KY: variants seen among roughly 807,000 people sequenced by gnomAD.
KY encodes the protein kyphoscoliosis peptidase.
In KY, 43 loss-of-function variants were observed where a neutral mutation model predicts 76.1. That is an observed-to-expected ratio of 0.57 (90% CI 0.44 to 0.73). The LOEUF (loss-of-function observed/expected upper bound fraction) is 0.73. KY is among the 30% of genes least tolerant of loss of function. The pLI, the probability that KY is intolerant of heterozygous loss-of-function variation, is 0.00. For missense variants in KY, 722 were observed against 828.9 expected, an observed-to-expected ratio of 0.87 and a Z score of 1.58; for synonymous variants, 277 against 326.2, an observed-to-expected ratio of 0.85 and a Z score of 1.63.
chr3:134,629,682 A>C lies in KY; in HGVS notation c.276T>G (p.Thr92=). Reference sequence around the variant, plus strand: ...TGGCATCTCGAGGGTGGACTTCCACAGTCAGTTGTGTCCCTACAAAGGAAA... The same window carrying C: ...TGGCATCTCGAGGGTGGACTTCCACCGTCAGTTGTGTCCCTACAAAGGAAA... ...TSYNSQGTQL[T]VEVHPRDAMP... Residue 92 remains threonine, a synonymous_variant, in exon 4 of 11, where the codon ACT becomes ACG. Transcript: ENST00000423778. The C allele has an allele frequency of 6.3e-7, 1 of 1,592,704 alleles. No individual in the cohort carries two copies. Among genetic ancestry groups the C allele is most frequent in the Non-Finnish European group, 8.6e-7 (1 of 1,169,108 alleles).
intron 4 of KY, among the ~76,000 whole-genome samples, chr3:134,628,619 C>A (rs4419421): frequency 0.97 from 148,462 of 152,314 alleles, 72,469 homozygotes; most frequent in East Asian, 1. Flanking sequence ...TCCCACCTAC[C>A]TTTTTGATAG....
At chr3:134,607,566 A>C (rs1959422469) in intron 10 of KY, 8 of 985,604 alleles carry the variant, frequency 8.1e-6, no homozygotes, top group Non-Finnish European at 9.6e-6. Context: ...AGGGCTGTGC[A>C]GCGTGCCCAG....
intron 3 of KY, 83 bp downstream of exon 3, chr3:134,643,233 A>G: frequency 1.5e-6 from 2 of 1,365,296 alleles, no homozygotes; most frequent in Non-Finnish European, 2.1e-6. Flanking sequence ...TCTGAGCTCC[A>G]CATCCTGGGC....
Position 134,600,382 on chromosome 3 carries a change from A to C in KY, c.*3197T>G, listed in dbSNP as rs145273311. Among the ~76,000 whole-genome samples the C allele has an allele frequency of 2.0e-5, 3 of 152,340 alleles. No homozygotes were observed. The highest frequency in any genetic ancestry group is 7.2e-5 in the African/African-American group (3 of 41,594). Reference sequence around the variant, plus strand: ...CAACAGGAAATAGTTCTTTATGTCTAGCCGAAATCCTTCATGCTTCAGTTA... The same window carrying C: ...CAACAGGAAATAGTTCTTTATGTCTCGCCGAAATCCTTCATGCTTCAGTTA... On this transcript the variant is annotated 3_prime_UTR_variant, in exon 11 of 11. Transcript: ENST00000423778.
intron 6 of KY, among the ~76,000 whole-genome samples, chr3:134,623,439 A>G (rs1428872755): frequency 2.6e-5 from 4 of 151,778 alleles, no homozygotes; most frequent in South Asian, 2.1e-4. Flanking sequence ...AGCCTTCTCT[A>G]TGTCTCAGGT....
At chr3:134,645,314 C>G (rs954340855) in intron 2 of KY, among the ~76,000 whole-genome samples, 3 of 152,180 alleles carry the variant, frequency 2.0e-5, no homozygotes, top group Non-Finnish European at 4.4e-5. Context: ...AGTGTTCCAG[C>G]CCAAGCAGTG....
In KY at chr3:134,601,229, C is replaced by A. The variant is rs1452693570; in HGVS notation, c.*2350G>T. The A allele has an allele frequency of 1.4e-5, 2 of 147,564 alleles. No individual in the cohort carries two copies. Among genetic ancestry groups the A allele is most frequent in the Non-Finnish European group, 3.0e-5 (2 of 67,064 alleles). The allele number at this position is 147,564 out of a possible 1,614,324, so 9.1% of individuals were successfully genotyped here. On this transcript the variant is annotated 3_prime_UTR_variant, in exon 11 of 11. Transcript: ENST00000423778. The stretch of plus-strand genomic sequence containing the variant: ...ATTTTCTGACTGCGCCTACAGCTGT[C>A]TTTACAAAGGGGGTGCCTAGTTAAA...
At chr3:134,622,274 G>A (rs981551349) in intron 6 of KY, among the ~76,000 whole-genome samples, 5 of 152,154 alleles carry the variant, frequency 3.3e-5, no homozygotes, top group Non-Finnish European at 7.3e-5. Flanking sequence ...AATGTTCATT[G>A]CAGCACTATC....
chr3:134,628,719 A>G (rs1416567944), intron 4 of KY, among the ~76,000 whole-genome samples: 2 of 152,194 alleles, frequency 1.3e-5, no homozygotes, highest in Non-Finnish European at 2.9e-5. Context: ...ATTTAATCTC[A>G]TAATAATCTT....
intron 3 of KY, among the ~76,000 whole-genome samples, chr3:134,630,123 A>G (rs900763134): frequency 2.0e-5 from 3 of 152,258 alleles, no homozygotes; most frequent in African/African-American, 7.2e-5. Flanking sequence ...GGTACAGTGG[A>G]TGCAGAAAAA....
intron 6 of KY, 102 bp from the exon 7 acceptor site, chr3:134,620,959 A>C: frequency 1.4e-6 from 1 of 730,932 alleles, no homozygotes; most frequent in Non-Finnish European, 2.4e-6. Context: ...CTCCAGGCAG[A>C]GAAGCTGGAG....
intron 1 of KY, among the ~76,000 whole-genome samples, chr3:134,648,668 A>G (rs1029202312): frequency 2.0e-5 from 3 of 152,096 alleles, no homozygotes; most frequent in Admixed American, 1.3e-4. Flanking sequence ...CTAGTGACCT[A>G]GCCTGTCCAC....
At chr3:134,647,092 C>T (rs1966530091) in intron 2 of KY, among the ~76,000 whole-genome samples, 1 of 152,222 alleles carries the variant, frequency 6.6e-6, no homozygotes, top group South Asian at 2.1e-4. Flanking sequence ...TGTTGGGAAA[C>T]ATTTTCAAAA....
At chr3:134,643,226 G>A (rs1965981947) in intron 3 of KY, 90 bp downstream of exon 3, 1 of 1,272,088 alleles carries the variant, frequency 7.9e-7, no homozygotes, top group Non-Finnish European at 1.1e-6. Flanking sequence ...CCCATAGTCT[G>A]AGCTCCACAT....
chr3:134,626,232 C>T (rs1335341002), intron 5 of KY, among the ~76,000 whole-genome samples: 2 of 152,238 alleles, frequency 1.3e-5, no homozygotes, highest in Non-Finnish European at 2.9e-5. Flanking sequence ...TGTCGGGAGC[C>T]TCTGGGTGCT....
chr3:134,636,680 A>G (rs562312244), intron 3 of KY, among the ~76,000 whole-genome samples: 1 of 152,296 alleles, frequency 6.6e-6, no homozygotes, highest in South Asian at 2.1e-4. Flanking sequence ...TAACCTGCAG[A>G]TTGGTGAGCT....
chr3:134,639,570 ACTACT>A (rs1965450081), intron 3 of KY, among the ~76,000 whole-genome samples: 1 of 152,112 alleles, frequency 6.6e-6, no homozygotes, highest in Non-Finnish European at 1.5e-5. Flanking sequence ...ATCAAAGAAG[ACTACT>A]CTACAAAGTG....
intron 2 of KY, among the ~76,000 whole-genome samples, chr3:134,647,165 C>T (rs1014061328): frequency 6.6e-5 from 10 of 152,206 alleles, no homozygotes; most frequent in African/African-American, 2.2e-4. Flanking sequence ...ATGTTAAGTC[C>T]TCCCCTACGG....
chr3:134,608,334 A>G (rs1224110486), intron 10 of KY: 2 of 1,284,250 alleles, frequency 1.6e-6, no homozygotes, highest in Middle Eastern at 2.5e-4. Flanking sequence ...CTTCTGTGAC[A>G]TGCCAGGCTG....
Sources: gnomAD v4.1 joint callset for allele counts (sites outside exome capture counted in the v4.1 genomes callset) on GRCh38, gnomAD v4.1.1 for gene constraint, MANE v1.5 for transcripts, NCBI Gene and HGNC (gene_info 2026-07-23, HGNC 2026-07-21) for gene names.